Variants in ZNF385D observed in about 807,000 individuals in gnomAD.
ZNF385D encodes the protein zinc finger protein 659.
ZNF385D carries 15 observed loss-of-function variants against 35.8 expected under a neutral mutation model. The observed-to-expected ratio is 0.42, with a 90% CI of 0.28 to 0.64. ZNF385D has a LOEUF of 0.64. Ranked by LOEUF, ZNF385D falls within the 30% of genes least tolerant of loss-of-function variation. The probability of loss-of-function intolerance (pLI) is 0.23; values close to 1 mark genes in which losing one functional copy is unlikely to be tolerated. For missense variants in ZNF385D, 474 were observed against 494.6 expected, an observed-to-expected ratio of 0.96 and a Z score of 0.39; for synonymous variants, 212 against 186.8, an observed-to-expected ratio of 1.13 and a Z score of -1.10.
intron 3 of ZNF385D, among the ~76,000 whole-genome samples, chr3:21,875,004 G>A (rs1480517101): frequency 6.6e-6 from 1 of 151,596 alleles, no homozygotes; most frequent in Non-Finnish European, 1.5e-5. Context: ...TTATTTTGAT[G>A]TTATTTAAAA....
intron 4 of ZNF385D, among the ~76,000 whole-genome samples, chr3:21,468,484 A>G (rs1297190013): frequency 2.0e-5 from 3 of 152,002 alleles, no homozygotes; most frequent in Non-Finnish European, 4.4e-5. Context: ...AGCAACCCAA[A>G]TATGCATCAC....
intron 2 of ZNF385D, among the ~76,000 whole-genome samples, chr3:22,351,562 A>C (rs1426787136): frequency 6.6e-6 from 1 of 152,216 alleles, no homozygotes; most frequent in African/African-American, 2.4e-5. Flanking sequence ...CAATATAAGC[A>C]GTACACTTGC....
At chr3:22,183,591 C>T (rs1221992779) in intron 2 of ZNF385D, among the ~76,000 whole-genome samples, 2 of 152,008 alleles carry the variant, frequency 1.3e-5, no homozygotes, top group African/African-American at 2.4e-5. Context: ...CTCCTGACCT[C>T]GTGATTCACC....
intron 2 of ZNF385D, among the ~76,000 whole-genome samples, chr3:21,654,151 T>G (rs1345663350): frequency 6.6e-6 from 1 of 152,070 alleles, no homozygotes; most frequent in Non-Finnish European, 1.5e-5. Context: ...TATCTCTATA[T>G]ATAGTCACTT....
rs868454989 is a variant in ZNF385D, at chr3:21,815,545, T to C, written c.326-150517A>G. Among the ~76,000 whole-genome samples the C allele has an allele frequency of 2.6e-5, 4 of 152,134 alleles. No homozygotes were observed. The South Asian group carries it at 6.2e-4, about 24-fold the overall frequency. Reference sequence around the variant, plus strand: ...TACAAACTACCATCAGAGAATACTATAAACACCTCTCCACAAATAAACTAG... The same window carrying C: ...TACAAACTACCATCAGAGAATACTACAAACACCTCTCCACAAATAAACTAG... On this transcript the variant is annotated intron_variant, in intron 3 of 5. Transcript: ENST00000494108.
At chr3:21,940,290 G>A (rs1014245299) in intron 3 of ZNF385D, among the ~76,000 whole-genome samples, 1 of 152,132 alleles carries the variant, frequency 6.6e-6, no homozygotes, top group African/African-American at 2.4e-5. Context: ...GCAAGCAGAG[G>A]TGGATTTGAC....
intron 4 of ZNF385D, among the ~76,000 whole-genome samples, chr3:21,494,813 C>G (rs1172749508): frequency 6.6e-6 from 1 of 152,082 alleles, no homozygotes; most frequent in African/African-American, 2.4e-5. Flanking sequence ...ATACTGAGTA[C>G]TCAATGTTGA....
chr3:22,018,548 G>C (rs1033330387), intron 3 of ZNF385D, among the ~76,000 whole-genome samples: 1 of 151,756 alleles, frequency 6.6e-6, no homozygotes, highest in Non-Finnish European at 1.5e-5. Context: ...CTCTGATTTT[G>C]TTTCATTACA....
At chr3:21,443,513 A>C (rs1227040422) in intron 4 of ZNF385D, among the ~76,000 whole-genome samples, 1 of 152,202 alleles carries the variant, frequency 6.6e-6, no homozygotes, top group Non-Finnish European at 1.5e-5. Flanking sequence ...CAAGAGTAAT[A>C]GGACTCTAAT....
chr3:21,426,530 T>C (rs1041252944), intron 5 of ZNF385D, among the ~76,000 whole-genome samples: 2 of 152,190 alleles, frequency 1.3e-5, no homozygotes, highest in Non-Finnish European at 2.9e-5. Flanking sequence ...TTTCTTTTTT[T>C]TTAGAGTTGA....
At chr3:22,021,385 C>G (rs1244398525) in intron 3 of ZNF385D, among the ~76,000 whole-genome samples, 1 of 151,946 alleles carries the variant, frequency 6.6e-6, no homozygotes, top group Non-Finnish European at 1.5e-5. Context: ...AATAGGCTTT[C>G]AGGCATTAGA....
intron 4 of ZNF385D, among the ~76,000 whole-genome samples, chr3:21,498,945 C>CAAAAA (rs35511402): frequency 1.1e-4 from 7 of 64,250 alleles, no homozygotes; most frequent in South Asian, 7.4e-4. Context: ...GACTCCATCT[C>CAAAAA]AAAAAAAAAA....
intron 2 of ZNF385D, among the ~76,000 whole-genome samples, chr3:21,605,388 G>T (rs1575303896): frequency 6.6e-6 from 1 of 152,286 alleles, no homozygotes; most frequent in East Asian, 1.9e-4. Flanking sequence ...AGGGTAAGAA[G>T]AGTAAGACAG....
At chr3:21,601,670 C>A (rs1450046351) in intron 2 of ZNF385D, among the ~76,000 whole-genome samples, 1 of 152,350 alleles carries the variant, frequency 6.6e-6, no homozygotes, top group Non-Finnish European at 1.5e-5. Context: ...GATCACCACA[C>A]TTCTCTTGCT....
At chr3:22,102,001 C>T (rs2125626351) in intron 3 of ZNF385D, among the ~76,000 whole-genome samples, 2 of 151,270 alleles carry the variant, frequency 1.3e-5, no homozygotes, top group East Asian at 3.9e-4. Context: ...CATTGCGCCA[C>T]ATCAGGTTTT....
chr3:22,324,821 A>G (rs575597728), intron 2 of ZNF385D, among the ~76,000 whole-genome samples: 1 of 152,300 alleles, frequency 6.6e-6, no homozygotes, highest in East Asian at 1.9e-4. Context: ...TACACAGGGA[A>G]TGAGATTGAC....
At chr3:22,303,755 T>C (rs1160918698) in intron 2 of ZNF385D, among the ~76,000 whole-genome samples, 1 of 152,138 alleles carries the variant, frequency 6.6e-6, no homozygotes, top group Non-Finnish European at 1.5e-5. Context: ...TGAGTGTTTT[T>C]GGCATTTACT....
intron 3 of ZNF385D, among the ~76,000 whole-genome samples, chr3:21,520,385 A>T (rs975525816): frequency 6.6e-6 from 1 of 152,160 alleles, no homozygotes; most frequent in Admixed American, 6.5e-5. Context: ...TATTAAATTC[A>T]TGTTGAATTA....
intron 3 of ZNF385D, among the ~76,000 whole-genome samples, chr3:21,555,175 G>A (rs1402786713): frequency 6.7e-6 from 1 of 149,740 alleles, no homozygotes; most frequent in East Asian, 1.9e-4. Context: ...GAAAAGATGT[G>A]TGACTCTTTC....
Sources: gnomAD v4.1 joint callset for allele counts (sites outside exome capture counted in the v4.1 genomes callset) on GRCh38, gnomAD v4.1.1 for gene constraint, MANE v1.5 for transcripts, NCBI Gene and HGNC (gene_info 2026-07-23, HGNC 2026-07-21) for gene names.